Variants in PALM2AKAP2 observed in about 807,000 individuals in gnomAD.
PALM2AKAP2 encodes the protein PALM2-AKAP2 fusion protein.
Under a neutral mutation model 71.5 loss-of-function variants are expected in PALM2AKAP2, and 37 were observed. That is an observed-to-expected ratio of 0.52 (90% confidence interval 0.40 to 0.68). The LOEUF (loss-of-function observed/expected upper bound fraction) is 0.68, where lower values mean the gene tolerates loss of function less well. Ranked by LOEUF, PALM2AKAP2 falls within the 30% of genes least tolerant of loss-of-function variation. PALM2AKAP2 has a pLI of 0.00. For synonymous variants in PALM2AKAP2, 468 were observed against 478.8 expected (o/e 0.98, Z 0.29); for missense variants, 1,224 against 1,191.8 (o/e 1.03, Z -0.40).
At chr9:109,834,599 G>T (rs928449256) in intron 1 of PALM2AKAP2, among the ~76,000 whole-genome samples, 1 of 152,078 alleles carries the variant, frequency 6.6e-6, no homozygotes, top group African/African-American at 2.4e-5. Context: ...GGCTTTCAGG[G>T]TCGGGGGTTG....
At chr9:109,827,079 A>G (rs1835463466) in intron 1 of PALM2AKAP2, among the ~76,000 whole-genome samples, 1 of 152,232 alleles carries the variant, frequency 6.6e-6, no homozygotes, top group African/African-American at 2.4e-5. Context: ...GTGTGTCACC[A>G]TAGACTCTAA....
intron 1 of PALM2AKAP2, among the ~76,000 whole-genome samples, chr9:109,659,221 G>T (rs1216965633): frequency 6.6e-6 from 1 of 152,120 alleles, no homozygotes; most frequent in African/African-American, 2.4e-5. Flanking sequence ...CAGCTTTTTT[G>T]AGAGATGATT....
chr9:110,136,717 G>A (rs1835883382), exon 2 of PALM2AKAP2: 3 of 1,614,054 alleles, frequency 1.9e-6, no homozygotes, highest in Non-Finnish European at 2.5e-6. Context: ...CCAGCTCACG[G>A]TGTTCTTCCC....
intron 7 of PALM2AKAP2, among the ~76,000 whole-genome samples, chr9:110,040,219 G>A (rs1177531801): frequency 6.6e-6 from 1 of 152,056 alleles, no homozygotes; most frequent in Admixed American, 6.5e-5. Context: ...TCCAACAGAG[G>A]CTTTTAATAT....
intron 1 of PALM2AKAP2, among the ~76,000 whole-genome samples, chr9:109,747,949 G>A (rs151070669): frequency 6.0e-4 from 91 of 152,306 alleles, no homozygotes; most frequent in African/African-American, 2.0e-3. Flanking sequence ...GGGATTACAG[G>A]CATGAGCCAC....
chr9:110,104,812 G>T (rs1046013747), intron 1 of PALM2AKAP2, among the ~76,000 whole-genome samples: 1 of 152,196 alleles, frequency 6.6e-6, no homozygotes, highest in South Asian at 2.1e-4. Context: ...AATGATGATA[G>T]CTCCAAGCTA....
intron 3 of PALM2AKAP2, among the ~76,000 whole-genome samples, chr9:110,165,958 A>G (rs1441053147): frequency 6.6e-6 from 1 of 152,200 alleles, no homozygotes; most frequent in Non-Finnish European, 1.5e-5. Flanking sequence ...GAGGATGGGG[A>G]CCATAGTTTT....
At chr9:109,933,196 G>T (rs1242778631) in intron 6 of PALM2AKAP2, among the ~76,000 whole-genome samples, 1 of 152,210 alleles carries the variant, frequency 6.6e-6, no homozygotes, top group East Asian at 1.9e-4. Flanking sequence ...TGACAGGATG[G>T]ATAAACAGGA....
chr9:110,064,689 C>T (rs774322276), intron 1 of PALM2AKAP2, among the ~76,000 whole-genome samples: 7 of 152,342 alleles, frequency 4.6e-5, no homozygotes, highest in East Asian at 1.9e-4. Context: ...CCTCTGTCAT[C>T]GCAGGAATCC....
At chr9:109,851,009 C>A (rs1392382500) in intron 1 of PALM2AKAP2, among the ~76,000 whole-genome samples, 1 of 152,042 alleles carries the variant, frequency 6.6e-6, no homozygotes, top group Non-Finnish European at 1.5e-5. Flanking sequence ...AACCCCATCT[C>A]TACTGAAAAT....
chr9:109,874,025 T>C (rs1275598514), intron 2 of PALM2AKAP2, among the ~76,000 whole-genome samples: 1 of 152,210 alleles, frequency 6.6e-6, no homozygotes, highest in African/African-American at 2.4e-5. Context: ...TCATTGCAGT[T>C]ACCTTAGCTG....
chr9:109,888,984 A>C (rs969249335), intron 3 of PALM2AKAP2, among the ~76,000 whole-genome samples: 7 of 152,196 alleles, frequency 4.6e-5, no homozygotes. Flanking sequence ...AATCTCTCCA[A>C]GTTGAGAACT....
intron 3 of PALM2AKAP2, among the ~76,000 whole-genome samples, chr9:110,157,762 A>G (rs368180061): frequency 1.3e-5 from 2 of 152,262 alleles, no homozygotes; most frequent in East Asian, 3.9e-4. Flanking sequence ...CTTAAACTTG[A>G]ATGCTATGAA....
At chr9:110,049,979 C>T (rs1392261835) in intron 1 of PALM2AKAP2, among the ~76,000 whole-genome samples, 1 of 152,172 alleles carries the variant, frequency 6.6e-6, no homozygotes, top group Admixed American at 6.5e-5. Flanking sequence ...TGGTGGATTC[C>T]CTTTCCAGAC....
chr9:109,697,421 A>G (rs994700186), intron 1 of PALM2AKAP2, among the ~76,000 whole-genome samples: 6 of 152,168 alleles, frequency 3.9e-5, no homozygotes, highest in Non-Finnish European at 7.4e-5. Context: ...AAGGAAGAAG[A>G]TAGAGTGAAT....
At chr9:110,147,618 G>GA (rs1206841242) in intron 2 of PALM2AKAP2, among the ~76,000 whole-genome samples, 2 of 152,066 alleles carry the variant, frequency 1.3e-5, no homozygotes, top group East Asian at 1.9e-4. Flanking sequence ...TCTACGGGGG[G>GA]AAAAAATAGC....
chr9:109,967,318 G>T (rs1216199869), intron 6 of PALM2AKAP2, among the ~76,000 whole-genome samples: 2 of 152,098 alleles, frequency 1.3e-5, no homozygotes, highest in African/African-American at 4.8e-5. Flanking sequence ...CAGCCTCCAA[G>T]TCTCACAGCA....
At chr9:110,001,416 A>G (rs373184409) in intron 6 of PALM2AKAP2, among the ~76,000 whole-genome samples, 23 of 152,188 alleles carry the variant, frequency 1.5e-4, no homozygotes, top group African/African-American at 4.8e-4. Flanking sequence ...GGTTACTGTA[A>G]CCTTGTAGTA....
intron 3 of PALM2AKAP2, among the ~76,000 whole-genome samples, chr9:110,164,046 C>A (rs1377592584): frequency 6.6e-6 from 1 of 152,130 alleles, no homozygotes; most frequent in Non-Finnish European, 1.5e-5. Flanking sequence ...ATAGAGCTGA[C>A]CTGCTGATTA....
Sources: gnomAD v4.1 joint callset for allele counts (sites outside exome capture counted in the v4.1 genomes callset) on GRCh38, gnomAD v4.1.1 for gene constraint, MANE v1.5 for transcripts, NCBI Gene and HGNC (gene_info 2026-07-23, HGNC 2026-07-21) for gene names.